JMJD1C: variants seen among roughly 807,000 people sequenced by gnomAD.
JMJD1C encodes jumonji domain-containing protein 1C.
JMJD1C carries 31 observed loss-of-function variants against 245.3 expected under a neutral mutation model. The ratio of observed to expected loss-of-function variants is 0.13; its 90% CI spans 0.09 to 0.17. JMJD1C has a LOEUF of 0.17. Ranked by LOEUF, JMJD1C falls within the 10% of genes least tolerant of loss-of-function variation. JMJD1C has a pLI of 1.00. For synonymous variants in JMJD1C, 1,057 were observed against 1,017.4 expected, an observed-to-expected ratio of 1.04 and a Z score of -0.74; for missense variants, 2,691 against 3,000.2, an observed-to-expected ratio of 0.90 and a Z score of 2.41.
At chr10:63,465,133 GC>G (rs1198802340) in intron 1 of JMJD1C, 3 of 290,244 alleles carry the variant, frequency 1.0e-5, no homozygotes, top group Non-Finnish European at 6.4e-6. Context: ...TGAGTGGTCC[GC>G]CCCCTACCCC....
intron 4 of JMJD1C, chr10:63,217,723 T>C (rs1848159848): frequency 6.6e-6 from 1 of 152,442 alleles, no homozygotes. Flanking sequence ...TTGATGTTTG[T>C]TTGAGTCTTC....
chr10:63,408,599 T>C (rs1411220168), intron 1 of JMJD1C, among the ~76,000 whole-genome samples: 2 of 152,064 alleles, frequency 1.3e-5, no homozygotes, highest in Admixed American at 6.5e-5. Flanking sequence ...GGAAAAATCA[T>C]TTCTAATTTT....
chr10:63,265,045 G>A (rs546661224), intron 2 of JMJD1C, among the ~76,000 whole-genome samples: 1 of 152,180 alleles, frequency 6.6e-6, no homozygotes, highest in Admixed American at 6.5e-5. Flanking sequence ...AAATATGCAT[G>A]TGTGTAAAAA....
intron 13 of JMJD1C, among the ~76,000 whole-genome samples, chr10:63,196,281 G>A (rs180938350): frequency 4.0e-5 from 6 of 151,624 alleles, no homozygotes; most frequent in Admixed American, 2.6e-4. Flanking sequence ...AAGAAAAAGA[G>A]AAAGAAAATC....
chr10:63,301,813 TAA>T, intron 2 of JMJD1C: 1 of 409,050 alleles, frequency 2.4e-6, no homozygotes, highest in Non-Finnish European at 4.8e-6. Flanking sequence ...AACTTAAAAG[TAA>T]AATTAAAAAT....
intron 2 of JMJD1C, among the ~76,000 whole-genome samples, chr10:63,336,347 A>G (rs779688801): frequency 1.4e-4 from 22 of 152,272 alleles, no homozygotes; most frequent in Non-Finnish European, 2.4e-4. Context: ...AATCCCAGCT[A>G]CTTGGGAGGC....
intron 1 of JMJD1C, among the ~76,000 whole-genome samples, chr10:63,505,882 T>G (rs1482619671): frequency 7.6e-6 from 1 of 131,968 alleles, no homozygotes; most frequent in Non-Finnish European, 1.6e-5. Flanking sequence ...GTCTTACAGG[T>G]GGGATTCAGA....
chr10:63,483,236 T>C (rs892234073), intron 1 of JMJD1C, among the ~76,000 whole-genome samples: 9 of 152,226 alleles, frequency 5.9e-5, no homozygotes, highest in African/African-American at 9.6e-5. Flanking sequence ...TAAAACACCA[T>C]TGTCAGTTAC....
chr10:63,193,966 A>C (rs1315780003), intron 14 of JMJD1C, among the ~76,000 whole-genome samples: 1 of 152,186 alleles, frequency 6.6e-6, no homozygotes, highest in Admixed American at 6.6e-5. Context: ...GCGCCCAGCC[A>C]AATTTATGTT....
chr10:63,382,674 T>C (rs1420810419), intron 1 of JMJD1C: 2 of 404,854 alleles, frequency 4.9e-6, no homozygotes, highest in Admixed American at 2.9e-5. Context: ...AAGCTGACTC[T>C]ATGCTCATAG....
chr10:63,236,767 G>T (rs1430595999), intron 3 of JMJD1C, among the ~76,000 whole-genome samples: 1 of 152,088 alleles, frequency 6.6e-6, no homozygotes, highest in African/African-American at 2.4e-5. Flanking sequence ...CAACAAAAAA[G>T]AAGTAAAATT....
At chr10:63,203,720 A>G (rs1342773885) in intron 10 of JMJD1C, 13 of 982,692 alleles carry the variant, frequency 1.3e-5, no homozygotes, top group African/African-American at 3.5e-5. Context: ...AAAAGAGTAG[A>G]TAAGACAAAA....
At chr10:63,270,314 G>A (rs1173466373) in intron 2 of JMJD1C, among the ~76,000 whole-genome samples, 1 of 151,776 alleles carries the variant, frequency 6.6e-6, no homozygotes, top group African/African-American at 2.4e-5. Flanking sequence ...TTACAGGGAC[G>A]CACCACCAAG....
chr10:63,330,431 T>C (rs1029386691), intron 2 of JMJD1C, among the ~76,000 whole-genome samples: 2 of 152,202 alleles, frequency 1.3e-5, no homozygotes, highest in African/African-American at 4.8e-5. Flanking sequence ...TTACCATTCA[T>C]GTTCTACTTT....
rs1483579741 is a variant in JMJD1C at position 63,465,487 on chromosome 10, T to G, written c.168+8A>C. 1.3e-6 allele frequency: 2 copies of G among 1,595,966 alleles called. No individual in the cohort carries two copies. The highest frequency in any genetic ancestry group is 2.2e-5 in the East Asian group (1 of 44,460). ...GGCAGGGGAAAAGGGGGGCGCTGAC[T>G]CTCTTACCGCCAGGTCCGGATTGCG... On this transcript the variant is annotated splice_region_variant and intron_variant, in intron 1 of 25. Coordinates refer to ENST00000399262, the MANE Select transcript of JMJD1C (RefSeq NM_032776.3).
chr10:63,191,947 G>A (rs1844858202), intron 16 of JMJD1C, among the ~76,000 whole-genome samples: 1 of 115,864 alleles, frequency 8.6e-6, no homozygotes, highest in African/African-American at 3.4e-5. Context: ...TCATGCCATT[G>A]CACTCCAGCC....
At chr10:63,415,723 T>C (rs1949759530) in intron 1 of JMJD1C, among the ~76,000 whole-genome samples, 1 of 152,206 alleles carries the variant, frequency 6.6e-6, no homozygotes, top group Non-Finnish European at 1.5e-5. Flanking sequence ...ATCATGTTCC[T>C]TAAATTTTCC....
intron 1 of JMJD1C, among the ~76,000 whole-genome samples, chr10:63,418,550 C>T (rs1949928825): frequency 1.3e-5 from 2 of 152,228 alleles, no homozygotes; most frequent in South Asian, 4.1e-4. Flanking sequence ...ACAATTTTTT[C>T]TTAAAGCCAT....
chr10:63,468,534 A>G (rs1166308541), upstream of JMJD1C, among the ~76,000 whole-genome samples: 1 of 152,232 alleles, frequency 6.6e-6, no homozygotes, highest in Non-Finnish European at 1.5e-5. Flanking sequence ...TTACTTCCAT[A>G]AAGATACTCG....
Sources: allele counts gnomAD v4.1 joint callset (sites outside exome capture counted in the v4.1 genomes callset), GRCh38; gene constraint gnomAD v4.1.1; transcripts MANE v1.5; gene names NCBI Gene and HGNC (gene_info 2026-07-23, HGNC 2026-07-21).